The following C4orf36 variants were observed in gnomAD, a reference collection of about 807,000 sequenced individuals.
The protein encoded by C4orf36 is chromosome 4 open reading frame 36.
C4orf36 carries 11 observed loss-of-function variants against 12.2 expected under a neutral mutation model. The observed-to-expected ratio is 0.90, with a 90% CI of 0.57 to 1.49. The LOEUF (loss-of-function observed/expected upper bound fraction) is 1.49, where lower values mean the gene tolerates loss of function less well. Among genes scored for constraint, C4orf36 ranks in the 40% most tolerant of loss-of-function variants. The probability of loss-of-function intolerance (pLI) is 0.00; values close to 1 mark genes in which losing one functional copy is unlikely to be tolerated. For synonymous variants in C4orf36, 54 were observed against 51.3 expected (o/e 1.05, Z -0.22); for missense variants, 137 against 133.9 (o/e 1.02, Z -0.11).
At chr4:86,890,783 C>T (rs1747376417) in intron 2 of C4orf36, among the ~76,000 whole-genome samples, 1 of 152,244 alleles carries the variant, frequency 6.6e-6, no homozygotes, top group Non-Finnish European at 1.5e-5. Context: ...CACGTGCTCA[C>T]TATGCGTTCA....
At chr4:86,882,028 C>G (rs1282820696) in intron 4 of C4orf36, among the ~76,000 whole-genome samples, 1 of 152,168 alleles carries the variant, frequency 6.6e-6, no homozygotes, top group Admixed American at 6.5e-5. Context: ...ATGAGTTATG[C>G]ATTGGAGCAC....
intron 4 of C4orf36, among the ~76,000 whole-genome samples, chr4:86,878,914 C>T (rs13131035): frequency 0.062 from 9,473 of 152,226 alleles, 434 homozygotes; most frequent in Non-Finnish European, 0.087. Context: ...CCTTTTTTAA[C>T]TGGGAAGTTA....
chr4:86,933,008 T>C, the C4orf36 span, among the ~76,000 whole-genome samples: 1 of 152,106 alleles, frequency 6.6e-6, no homozygotes, highest in South Asian at 2.1e-4. Flanking sequence ...TCTCCTTTTG[T>C]TTATGTCTGA....
chr4:86,885,236 A>C (rs1048627681), intron 4 of C4orf36, among the ~76,000 whole-genome samples: 7 of 152,160 alleles, frequency 4.6e-5, no homozygotes, highest in Non-Finnish European at 8.8e-5. Context: ...TCTGTGAAGA[A>C]AGTCATTGGT....
the C4orf36 span, among the ~76,000 whole-genome samples, chr4:86,899,818 G>A: frequency 1.8e-3 from 274 of 152,246 alleles, 1 homozygote; most frequent in Non-Finnish European, 3.1e-3. Context: ...GAAATAGAGC[G>A]AGCCCCTGTC....
chr4:86,898,748 G>GAACTCC, the C4orf36 span, among the ~76,000 whole-genome samples: 1 of 152,098 alleles, frequency 6.6e-6, no homozygotes, highest in Non-Finnish European at 1.5e-5. Flanking sequence ...GTTCCAGGAG[G>GAACTCC]TGGTGCTCTA....
the C4orf36 span, chr4:86,914,608 G>C: frequency 3.0e-6 from 1 of 336,794 alleles, no homozygotes. Context: ...TCACCATCTT[G>C]GCCAGGCTGG....
At chr4:86,891,940 C>A in intron 1 of C4orf36, 1 of 970,666 alleles carries the variant, frequency 1.0e-6, no homozygotes, top group South Asian at 4.1e-5. Flanking sequence ...TGCACAGGAA[C>A]CACCCGCCCC....
At chr4:86,934,199 C>G in the C4orf36 span, among the ~76,000 whole-genome samples, 4 of 152,210 alleles carry the variant, frequency 2.6e-5, no homozygotes, top group African/African-American at 9.7e-5. Flanking sequence ...GAAATCTCAT[C>G]TGGGCCATTT....
the C4orf36 span, chr4:86,934,986 G>A: frequency 6.6e-6 from 1 of 151,908 alleles, no homozygotes; most frequent in South Asian, 2.1e-4. Context: ...GGGGCGTCCC[G>A]GGCAGCCGGC....
At chr4:86,923,791 TAAATTATTGGTA>T in the C4orf36 span, among the ~76,000 whole-genome samples, 1 of 151,710 alleles carries the variant, frequency 6.6e-6, no homozygotes, top group Non-Finnish European at 1.5e-5. Flanking sequence ...AAATTCCTGA[TAAATTATTGGTA>T]TAATTTCTGT....
At chr4:86,902,866 A>G in the C4orf36 span, among the ~76,000 whole-genome samples, 1 of 152,180 alleles carries the variant, frequency 6.6e-6, no homozygotes. Flanking sequence ...AATCATATGG[A>G]ATCTTTATTT....
the C4orf36 span, chr4:86,913,370 T>G: frequency 1.2e-6 from 1 of 816,494 alleles, no homozygotes; most frequent in Non-Finnish European, 2.1e-6. Flanking sequence ...ACCTCATAAA[T>G]AGAGACTTGA....
chr4:86,884,978 G>A (rs897339585), intron 4 of C4orf36, among the ~76,000 whole-genome samples: 10 of 152,250 alleles, frequency 6.6e-5, no homozygotes, highest in East Asian at 1.9e-4. Flanking sequence ...CCCATTGTTC[G>A]TTTTTGTCAG....
upstream of C4orf36, among the ~76,000 whole-genome samples, chr4:86,893,217 G>C (rs1321471580): frequency 6.6e-6 from 1 of 152,192 alleles, no homozygotes; most frequent in African/African-American, 2.4e-5. Context: ...TGAGTTCAGG[G>C]TGGTTAAAGG....
chr4:86,888,811 A>C (rs1270810341), intron 2 of C4orf36, among the ~76,000 whole-genome samples: 2 of 152,224 alleles, frequency 1.3e-5, no homozygotes, highest in African/African-American at 2.4e-5. Context: ...ATCTGCAGTC[A>C]ATATGAGTTC....
the C4orf36 span, among the ~76,000 whole-genome samples, chr4:86,921,106 G>A: frequency 6.6e-6 from 1 of 151,340 alleles, no homozygotes; most frequent in Admixed American, 6.6e-5. Flanking sequence ...TGGAGGCTGT[G>A]GTGAGCCGAG....
At chr4:86,884,299 A>AT (rs150771483) in intron 4 of C4orf36, among the ~76,000 whole-genome samples, 588 of 49,552 alleles carry the variant, frequency 0.012, 3 homozygotes, top group African/African-American at 0.032. Context: ...AAAAGACTGA[A>AT]TTTTTTTTTT....
intron 4 of C4orf36, among the ~76,000 whole-genome samples, chr4:86,884,219 C>G (rs1005515448): frequency 5.3e-5 from 8 of 151,584 alleles, no homozygotes; most frequent in Non-Finnish European, 7.4e-5. Flanking sequence ...ATGTCACTTT[C>G]ACACAAGTAT....
Sources: allele counts gnomAD v4.1 joint callset (sites outside exome capture counted in the v4.1 genomes callset), GRCh38; gene constraint gnomAD v4.1.1; transcripts MANE v1.5; gene names NCBI Gene and HGNC (gene_info 2026-07-23, HGNC 2026-07-21).